Variants in SOX5 observed in about 807,000 individuals in gnomAD.
SOX5 encodes the protein SRY-box transcription factor 5, also known as transcription factor SOX-5.
SOX5 carries 9 observed loss-of-function variants against 92.0 expected under a neutral mutation model. The ratio of observed to expected loss-of-function variants is 0.10; its 90% confidence interval spans 0.06 to 0.17. SOX5 has a LOEUF of 0.17. SOX5 is among the 10% of genes least tolerant of loss of function. The pLI is 1.00. For missense variants in SOX5, 642 were observed against 944.5 expected, an observed-to-expected ratio of 0.68 and a Z score of 4.20; for synonymous variants, 344 against 336.3, an observed-to-expected ratio of 1.02 and a Z score of -0.25.
chr12:23,950,702 G>A (rs1945474464), upstream of SOX5, among the ~76,000 whole-genome samples: 1 of 152,182 alleles, frequency 6.6e-6, no homozygotes, highest in Admixed American at 6.5e-5. Flanking sequence ...AGATAACAAG[G>A]TGGACAAACT....
chr12:24,068,677 C>CGTGTGT (rs1941193872), intron 4 of SOX5, among the ~76,000 whole-genome samples: 2 of 76,102 alleles, frequency 2.6e-5, no homozygotes, highest in Non-Finnish European at 5.2e-5. Flanking sequence ...AGGTCAAAGT[C>CGTGTGT]GTATGTGTGT....
chr12:23,623,847 T>G (rs1407141446), intron 8 of SOX5, among the ~76,000 whole-genome samples: 1 of 151,974 alleles, frequency 6.6e-6, no homozygotes, highest in African/African-American at 2.4e-5. Context: ...ATACCGAAAA[T>G]GGACTGAAAG....
At chr12:24,383,820 A>T (rs1958077446) in intron 1 of SOX5, among the ~76,000 whole-genome samples, 1 of 152,128 alleles carries the variant, frequency 6.6e-6, no homozygotes, top group African/African-American at 2.4e-5. Flanking sequence ...TCAGATCATC[A>T]GGCATTAGTT....
chr12:24,509,099 G>C (rs1394588982), intron 1 of SOX5, among the ~76,000 whole-genome samples: 1 of 152,220 alleles, frequency 6.6e-6, no homozygotes, highest in Non-Finnish European at 1.5e-5. Context: ...GTGATGGCCA[G>C]TCAGTAGACA....
chr12:24,357,887 T>C (rs1286224131), intron 2 of SOX5, among the ~76,000 whole-genome samples: 2 of 151,730 alleles, frequency 1.3e-5, no homozygotes, highest in African/African-American at 4.8e-5. Flanking sequence ...ATTGAAATTG[T>C]ATGCCTCAGT....
At chr12:24,547,121 G>T (rs1325300156) in intron 1 of SOX5, among the ~76,000 whole-genome samples, 4 of 151,998 alleles carry the variant, frequency 2.6e-5, no homozygotes, top group Non-Finnish European at 5.9e-5. Flanking sequence ...AGGAAGTAGG[G>T]GTAGGAGGAG....
intron 4 of SOX5, among the ~76,000 whole-genome samples, chr12:24,133,122 G>A (rs1949802710): frequency 6.6e-6 from 1 of 152,120 alleles, no homozygotes. Context: ...TGGCATAAAG[G>A]CTTCCCACTC....
chr12:24,562,536 C>T (rs1484501348), upstream of SOX5: 1 of 153,970 alleles, frequency 6.5e-6, no homozygotes, highest in Non-Finnish European at 1.4e-5. Context: ...GTCTCTCGCT[C>T]GCCCGCTCGC....
At chr12:23,803,344 G>A (rs972770718) in intron 3 of SOX5, among the ~76,000 whole-genome samples, 2 of 152,066 alleles carry the variant, frequency 1.3e-5, no homozygotes, top group Admixed American at 1.3e-4. Flanking sequence ...AACAGTTAAT[G>A]GCACCTTTCT....
intron 4 of SOX5, among the ~76,000 whole-genome samples, chr12:23,992,198 A>G (rs1367850188): frequency 6.6e-6 from 1 of 152,076 alleles, no homozygotes. Context: ...AACACCCTTA[A>G]AGGAAGTTGG....
intron 6 of SOX5, among the ~76,000 whole-genome samples, chr12:23,670,143 G>T (rs1446598920): frequency 6.6e-6 from 1 of 152,064 alleles, no homozygotes; most frequent in Non-Finnish European, 1.5e-5. Flanking sequence ...CAAGATTGAG[G>T]GAGTAAACTA....
In SOX5 at chr12:24,196,569, C is replaced by G. The variant is rs76377032; in HGVS notation, c.-2+16774G>C. On this transcript the variant is annotated intron_variant, in intron 4 of 4. Coordinates refer to the SOX5 transcript ENST00000446891. ...CTTTATATTTTACTACAGTCTTTAA[C>G]CAATCCATCTCACTGCTTAAAAGTA... is the stretch of plus-strand genomic sequence containing the variant. Among the ~76,000 whole-genome samples, 1,022 of 152,254 alleles carry G rather than the reference C, an allele frequency of 6.7e-3. 11 individuals are homozygous for G. The highest frequency in any genetic ancestry group is 0.018 in the African/African-American group (753 of 41,548).
At chr12:23,818,423 G>C (rs2096041550) in intron 3 of SOX5, among the ~76,000 whole-genome samples, 2 of 152,242 alleles carry the variant, frequency 1.3e-5, no homozygotes, top group East Asian at 3.9e-4. Context: ...AAGATAAAAA[G>C]TGATACACAT....
intron 2 of SOX5, among the ~76,000 whole-genome samples, chr12:23,884,375 T>C (rs1375828073): frequency 6.6e-6 from 1 of 152,216 alleles, no homozygotes; most frequent in Non-Finnish European, 1.5e-5. Flanking sequence ...CACAAATTAA[T>C]ATATTAATAC....
intron 4 of SOX5, among the ~76,000 whole-genome samples, chr12:23,961,251 C>A (rs1294070697): frequency 1.3e-5 from 2 of 152,012 alleles, no homozygotes; most frequent in African/African-American, 4.8e-5. Flanking sequence ...GATTCAAACA[C>A]CCTATTGAAT....
rs1255856086 is a variant in SOX5, at chr12:23,536,384, T to C, written c.1988+69A>G. ...AAATGTCTTTTTGCAACTGAACAAATATGTTTCACATCCCATTAAGTATAA... is the reference window on the plus strand; with the variant it reads ...AAATGTCTTTTTGCAACTGAACAAACATGTTTCACATCCCATTAAGTATAA... On this transcript the variant is annotated intron_variant, in intron 14 of 14. Coordinates refer to ENST00000451604, the MANE Select transcript of SOX5 (RefSeq NM_006940.6). 9 of 1,222,988 alleles carry C rather than the reference T, an allele frequency of 7.4e-6. No homozygotes were observed. The African/African-American group carries it at 1.0e-4, about 14-fold the overall frequency. 75.8% of individuals were successfully genotyped at this position (1,222,988 alleles called of 1,614,324 possible).
At chr12:24,147,209 T>C (rs1951179405) in intron 4 of SOX5, among the ~76,000 whole-genome samples, 1 of 152,262 alleles carries the variant, frequency 6.6e-6, no homozygotes, top group South Asian at 2.1e-4. Flanking sequence ...TGAACATAGA[T>C]GCAAATATGC....
intron 1 of SOX5, among the ~76,000 whole-genome samples, chr12:24,485,440 A>C (rs1443937898): frequency 6.6e-6 from 1 of 152,206 alleles, no homozygotes; most frequent in African/African-American, 2.4e-5. Flanking sequence ...ATTGTTCAAG[A>C]GTTAAAAAAC....
intron 4 of SOX5, among the ~76,000 whole-genome samples, chr12:23,995,405 A>G (rs1950938623): frequency 6.6e-6 from 1 of 152,186 alleles, no homozygotes; most frequent in Non-Finnish European, 1.5e-5. Flanking sequence ...TTATTAAGAT[A>G]GTAATAGGGA....
Sources: gnomAD v4.1 joint callset for allele counts (sites outside exome capture counted in the v4.1 genomes callset) on GRCh38, gnomAD v4.1.1 for gene constraint, MANE v1.5 for transcripts, NCBI Gene and HGNC (gene_info 2026-07-23, HGNC 2026-07-21) for gene names.